The following PRKDC variants were observed in gnomAD, a reference collection of about 807,000 sequenced individuals.
PRKDC encodes protein kinase, DNA-activated, catalytic subunit, also known as DNA-dependent protein kinase catalytic subunit.
In PRKDC, 82 loss-of-function variants were observed where a neutral mutation model predicts 486.9. The ratio of observed to expected loss-of-function variants is 0.17; its 90% CI spans 0.14 to 0.20. The LOEUF is 0.20. Among genes scored for constraint, PRKDC ranks in the 10% least tolerant of loss-of-function variants. The pLI, the probability that PRKDC is intolerant of heterozygous loss-of-function variation, is 1.00. For synonymous variants in PRKDC, 1,895 were observed against 1,837.0 expected, an observed-to-expected ratio of 1.03 and a Z score of -0.81; for missense variants, 4,504 against 5,038.2, an observed-to-expected ratio of 0.89 and a Z score of 3.21.
chr8:47,773,288 C>T lies in PRKDC; in HGVS notation c.*885G>A, dbSNP rs1410131398. 4.4e-6 allele frequency: 1 copy of T among 227,136 alleles called. No homozygotes were observed. Among genetic ancestry groups the T allele is most frequent in the African/African-American group, 2.2e-5 (1 of 44,830 alleles). The allele number at this position is 227,136 out of a possible 1,614,324, so 14.1% of individuals were successfully genotyped here. ...ACAGGGACTGCACATGGGAAGGAGC[C>T]ACTTTTGTATTCCATAATTTCATCT... On this transcript the variant is annotated 3_prime_UTR_variant, in exon 86 of 86. Transcript: ENST00000314191.
intron 30 of PRKDC, among the ~76,000 whole-genome samples, chr8:47,894,998 C>T (rs773560788): frequency 6.6e-6 from 1 of 152,140 alleles, no homozygotes. Flanking sequence ...ATCACTTAAG[C>T]TCAGTTTATG....
At chr8:47,788,798 GTTAAA>G (rs1273971315) in intron 76 of PRKDC, 103 bp downstream of exon 76, 12 of 1,124,532 alleles carry the variant, frequency 1.1e-5, no homozygotes, top group African/African-American at 6.4e-5. Context: ...ATGCAGAACT[GTTAAA>G]TTAATGATTA....
chr8:47,939,009 C>T (rs1251978559), intron 11 of PRKDC, among the ~76,000 whole-genome samples: 1 of 152,108 alleles, frequency 6.6e-6, no homozygotes, highest in East Asian at 1.9e-4. Flanking sequence ...TGTTTCTATT[C>T]TTCACACTTG....
chr8:47,817,058 G>A (rs1303555272), intron 68 of PRKDC, among the ~76,000 whole-genome samples: 1 of 152,156 alleles, frequency 6.6e-6, no homozygotes, highest in Non-Finnish European at 1.5e-5. Context: ...GGAGTTGGGA[G>A]GTAGGAGGCA....
chr8:47,885,233 C>A (rs1193348194), intron 36 of PRKDC, among the ~76,000 whole-genome samples: 1 of 152,150 alleles, frequency 6.6e-6, no homozygotes, highest in African/African-American at 2.4e-5. Flanking sequence ...CTCACTGCAA[C>A]CTCCGCCTCT....
intron 54 of PRKDC, among the ~76,000 whole-genome samples, chr8:47,843,227 A>T (rs1436133673): frequency 2.0e-5 from 3 of 152,212 alleles, no homozygotes; most frequent in African/African-American, 7.2e-5. Flanking sequence ...GTTTTGAAAG[A>T]TTCACTACAG....
In PRKDC at chr8:47,823,787, T is replaced by C. The variant is rs544209779; in HGVS notation, c.8922+71A>G. The C allele has an allele frequency of 6.1e-5, 96 of 1,565,278 alleles. No individual in the cohort carries two copies. The African/African-American group carries it at 1.3e-3, about 20-fold the overall frequency. On this transcript the variant is annotated intron_variant, in intron 64 of 85. Coordinates refer to ENST00000314191, the MANE Select transcript of PRKDC (RefSeq NM_006904.7). The stretch of plus-strand genomic sequence containing the variant: ...AAGGATCTGCTGTACCTCGTTTTGC[T>C]TAAAGTCATAGTTCAGCAGAAAACA...
At chr8:47,899,471 C>T (rs2089640678) in intron 28 of PRKDC, among the ~76,000 whole-genome samples, 1 of 152,118 alleles carries the variant, frequency 6.6e-6, no homozygotes, top group Admixed American at 6.6e-5. Flanking sequence ...CATGGAGAAA[C>T]ATCTCTACTA....
At chr8:47,798,517 C>G in intron 72 of PRKDC, 120 bp from the exon 73 acceptor site, 1 of 1,059,344 alleles carries the variant, frequency 9.4e-7, no homozygotes, top group Non-Finnish European at 1.3e-6. Flanking sequence ...TTGTTCTCTT[C>G]TTAACTACCA....
At chr8:47,853,990 T>TG (rs1365790880) in intron 51 of PRKDC, 93 bp downstream of exon 51, 1 of 1,478,672 alleles carries the variant, frequency 6.8e-7, no homozygotes, top group African/African-American at 1.4e-5. Context: ...AGCATGGGTC[T>TG]GGTCCTTAAA....
At chr8:47,848,840 G>A (rs1279186246) in intron 54 of PRKDC, among the ~76,000 whole-genome samples, 1 of 152,078 alleles carries the variant, frequency 6.6e-6, no homozygotes, top group Non-Finnish European at 1.5e-5. Context: ...GGCAAAATAG[G>A]TACAGAACTC....
chr8:47,873,871 G>C (rs1314770372), intron 40 of PRKDC, among the ~76,000 whole-genome samples: 1 of 151,982 alleles, frequency 6.6e-6, no homozygotes, highest in African/African-American at 2.4e-5. Context: ...GAAAGGGTAA[G>C]AGGGAGGGGG....
chr8:47,888,673 A>C, intron 33 of PRKDC, 23 bp from the exon 34 acceptor site: 1 of 1,558,722 alleles, frequency 6.4e-7, no homozygotes, highest in Non-Finnish European at 8.7e-7. Context: ...CAAAACAGTA[A>C]ATTAGGTGAG....
At chr8:47,855,790 T>A (rs561744085) in intron 49 of PRKDC, among the ~76,000 whole-genome samples, 2 of 152,348 alleles carry the variant, frequency 1.3e-5, no homozygotes. Context: ...CAGAGCCTCC[T>A]GTTCAGGGCC....
intron 61 of PRKDC, among the ~76,000 whole-genome samples, chr8:47,830,338 C>G (rs987853684): frequency 2.0e-5 from 3 of 152,190 alleles, no homozygotes; most frequent in Non-Finnish European, 2.9e-5. Flanking sequence ...CAGACAAATG[C>G]AGTGGTAATC....
rs184941590 is a variant in PRKDC at position 47,925,003 on chromosome 8, T to C, written c.2419+2191A>G. Among the ~76,000 whole-genome samples, 200 of 152,280 alleles carry C rather than the reference T, an allele frequency of 1.3e-3. 2 individuals carry two copies. The highest frequency in any genetic ancestry group is 3.1e-3 in the East Asian group (16 of 5,178). On this transcript the variant is annotated intron_variant, in intron 21 of 85. Transcript: ENST00000314191. ...TTCTCACCCTGCCTGCACCCCAACA[T>C]CCCAGACAGCTGTCCCAACACGTGG... is the stretch of plus-strand genomic sequence containing the variant.
In PRKDC at chr8:47,912,451, T is replaced by G; in HGVS notation, c.2893A>C (p.Thr965Pro). 1 of 1,608,884 alleles carries G rather than the reference T, an allele frequency of 6.2e-7. No individual in the cohort carries two copies. Among genetic ancestry groups the G allele is most frequent in the Non-Finnish European group, 8.5e-7 (1 of 1,177,530 alleles). The change falls in exon 25 of 86, where the codon ACG becomes CCG. Residue 965 changes from threonine (T) to proline (P), a missense_variant. Around this residue, in one of 6 missense-constraint regions of PRKDC, gnomAD observed 1,969 missense variants for 2,068.9 expected, o/e 0.95. Coordinates refer to ENST00000314191, the MANE Select transcript of PRKDC (RefSeq NM_006904.7). ...GCAAGTCGAAGCAGCACAGGAAACG[T>G]CCGCTTATAGAGCTGGTACATGGGT... The part of the protein sequence containing the change: ...APPMYQLYKR[T>P]FPVLLRLACD...
intron 11 of PRKDC, among the ~76,000 whole-genome samples, chr8:47,938,906 T>C (rs2090395988): frequency 6.6e-6 from 1 of 151,402 alleles, no homozygotes; most frequent in Non-Finnish European, 1.5e-5. Flanking sequence ...TCATATAAAC[T>C]TTTTTTTTAA....
intron 80 of PRKDC, among the ~76,000 whole-genome samples, chr8:47,781,596 A>T (rs2086700035): frequency 6.6e-6 from 1 of 152,112 alleles, no homozygotes; most frequent in African/African-American, 2.4e-5. Flanking sequence ...AAAAGGAAAT[A>T]AAAAAAACCT....
Sources: allele counts gnomAD v4.1 joint callset (sites outside exome capture counted in the v4.1 genomes callset), GRCh38; gene constraint gnomAD v4.1.1; regional missense constraint gnomAD v4.1.1; transcripts MANE v1.5; gene names NCBI Gene and HGNC (gene_info 2026-07-23, HGNC 2026-07-21).